The following CACNA1D variants were observed in gnomAD, a reference collection of about 807,000 sequenced individuals.
The protein encoded by CACNA1D is voltage-dependent L-type calcium channel subunit alpha-1D.
In CACNA1D, 55 loss-of-function variants were observed where a neutral mutation model predicts 257.1. The observed-to-expected ratio is 0.21, with a 90% CI of 0.17 to 0.27. CACNA1D has a LOEUF of 0.27. CACNA1D is among the 10% of genes least tolerant of loss of function. The probability of loss-of-function intolerance (pLI) is 1.00; values close to 1 mark genes in which losing one functional copy is unlikely to be tolerated. For synonymous variants in CACNA1D, 980 were observed against 1,014.9 expected, an observed-to-expected ratio of 0.97 and a Z score of 0.65; for missense variants, 1,876 against 2,784.0, an observed-to-expected ratio of 0.67 and a Z score of 7.34.
At chr3:53,775,251 A>G (rs1391236654) in intron 34 of CACNA1D, among the ~76,000 whole-genome samples, 1 of 152,216 alleles carries the variant, frequency 6.6e-6, no homozygotes, top group Non-Finnish European at 1.5e-5. Flanking sequence ...AATTGAACAG[A>G]GACTTAAGTT....
intron 35 of CACNA1D, 117 bp from the exon 36 acceptor site, chr3:53,776,486 C>A: frequency 8.0e-7 from 1 of 1,245,342 alleles, no homozygotes; most frequent in Non-Finnish European, 1.1e-6. Flanking sequence ...GTTTTTACAA[C>A]TTCTCTTGGA....
intron 7 of CACNA1D, among the ~76,000 whole-genome samples, chr3:53,671,202 A>G (rs567408005): frequency 2.6e-5 from 4 of 152,374 alleles, no homozygotes; most frequent in East Asian, 3.9e-4. Flanking sequence ...TACTAGAGCC[A>G]TTCTCTGGAA....
chr3:53,808,507 C>T, intron 45 of CACNA1D, 142 bp from the exon 46 acceptor site: 1 of 953,988 alleles, frequency 1.0e-6, no homozygotes, highest in South Asian at 1.3e-5. Flanking sequence ...TTGGAGACCT[C>T]ACTACCTAAT....
intron 40 of CACNA1D, among the ~76,000 whole-genome samples, chr3:53,788,302 G>T (rs1255949042): frequency 6.6e-6 from 1 of 152,170 alleles, no homozygotes; most frequent in Non-Finnish European, 1.5e-5. Flanking sequence ...GGTGGACCAT[G>T]AATCCGACTG....
At chr3:53,576,897 T>C (rs1428145848) in intron 3 of CACNA1D, among the ~76,000 whole-genome samples, 1 of 152,246 alleles carries the variant, frequency 6.6e-6, no homozygotes. Flanking sequence ...GATTTTTGGC[T>C]CTTTGTAAGG....
intron 7 of CACNA1D, among the ~76,000 whole-genome samples, chr3:53,670,866 T>C (rs1285055597): frequency 6.6e-6 from 1 of 152,174 alleles, no homozygotes; most frequent in Non-Finnish European, 1.5e-5. Context: ...ACAGCTTGCA[T>C]GTTCTGATTT....
chr3:53,648,550 G>T (rs569388044), intron 3 of CACNA1D, among the ~76,000 whole-genome samples: 1 of 152,052 alleles, frequency 6.6e-6, no homozygotes, highest in East Asian at 1.9e-4. Flanking sequence ...GCCACGCCTC[G>T]CATGCCTCCC....
chr3:53,787,933 C>A (rs561613513), intron 40 of CACNA1D, among the ~76,000 whole-genome samples: 12 of 152,114 alleles, frequency 7.9e-5, no homozygotes, highest in Non-Finnish European at 1.6e-4. Context: ...CTATTTACGC[C>A]ACAATTTTAT....
At position 53,770,027 on chromosome 3, in the gene CACNA1D, G is replaced by A; in HGVS notation, c.3915+10G>A. On this transcript the variant is annotated intron_variant, in intron 31 of 47. Transcript: ENST00000350061. The stretch of plus-strand genomic sequence containing the variant: ...AACTGCTACACCTGGGGTAAGATCA[G>A]TGACTAGTCCCCAGGGGCTGGGCCT... 1 of 1,608,844 alleles carries A rather than the reference G, an allele frequency of 6.2e-7. No homozygotes were observed. The highest frequency in any genetic ancestry group is 8.5e-7 in the Non-Finnish European group (1 of 1,175,124).
At chr3:53,544,075 A>T (rs1035675271) in intron 3 of CACNA1D, among the ~76,000 whole-genome samples, 5 of 152,118 alleles carry the variant, frequency 3.3e-5, no homozygotes, top group African/African-American at 4.8e-5. Flanking sequence ...TTCATTAAAG[A>T]CCTTGGGACT....
intron 3 of CACNA1D, among the ~76,000 whole-genome samples, chr3:53,569,347 G>A (rs2092903654): frequency 6.6e-6 from 1 of 152,196 alleles, no homozygotes; most frequent in South Asian, 2.1e-4. Context: ...GCTTACCACT[G>A]CTCACTGGCT....
In CACNA1D at chr3:53,751,921, C is replaced by T; in HGVS notation, c.3675+14C>T. On this transcript the variant is annotated intron_variant, in intron 28 of 47. Transcript: ENST00000350061. This position sits in a 1 kb window ranked among gnomAD's most constrained non-coding sequence, Gnocchi z 4.3. ...TTGGCCATGCAGGTAAAAATGGAGA[C>T]AGCCGTGGGGATCAGGTCCGGGCAT... 3 of 1,613,576 alleles carry T rather than the reference C, an allele frequency of 1.9e-6. No individual in the cohort carries two copies. The highest frequency in any genetic ancestry group is 1.1e-5 in the South Asian group (1 of 91,056).
rs1190739530 is a variant in CACNA1D, at chr3:53,801,205, C to T, written c.5188C>T (p.Pro1730Ser). 4.3e-6 allele frequency: 7 copies of T among 1,614,076 alleles called. No homozygotes were observed. Among genetic ancestry groups the T allele is most frequent in the Non-Finnish European group, 5.9e-6 (7 of 1,179,956 alleles). The change falls in exon 42 of 48, where the codon CCT becomes TCT. Residue 1730 changes from proline (P) to serine (S), a missense_variant. Pro to Ser is a moderately conservative substitution (Grantham distance 74). This residue lies in a region of CACNA1D where 160 missense variants were observed against 236.6 expected (regional missense o/e 0.68). Coordinates refer to ENST00000350061, the MANE Select transcript of CACNA1D (RefSeq NM_001128840.3). ...PASDTEKPLF[P>S]PAGNSVCHNH... The stretch of plus-strand genomic sequence containing the variant: ...AAGTGATACTGAGAAACCGCTGTTT[C>T]CTCCAGCAGGAAATTCGGTGTGTCA...
intron 3 of CACNA1D, among the ~76,000 whole-genome samples, chr3:53,555,789 T>C (rs1031031473): frequency 6.6e-6 from 1 of 152,158 alleles, no homozygotes; most frequent in East Asian, 1.9e-4. Flanking sequence ...AGAAATTCTT[T>C]TTTATTCTTG....
intron 3 of CACNA1D, among the ~76,000 whole-genome samples, chr3:53,571,672 A>G (rs999421657): frequency 3.9e-5 from 6 of 152,174 alleles, no homozygotes; most frequent in Admixed American, 3.9e-4. Flanking sequence ...CTCCATAGGA[A>G]CCAAACCTGC....
intron 3 of CACNA1D, among the ~76,000 whole-genome samples, chr3:53,522,079 T>C (rs2091600393): frequency 6.6e-6 from 1 of 152,082 alleles, no homozygotes; most frequent in Non-Finnish European, 1.5e-5. Context: ...AAAGTTGCAG[T>C]GATTTGTGAT....
chr3:53,702,626 CTT>C lies in CACNA1D; in HGVS notation c.1221-13_1221-12del. 3.7e-6 allele frequency: 6 copies of C among 1,613,088 alleles called. No individual in the cohort carries two copies. The highest frequency in any genetic ancestry group is 5.1e-6 in the Non-Finnish European group (6 of 1,179,948). On this transcript the variant is annotated splice_polypyrimidine_tract_variant and intron_variant, in intron 8 of 47. Transcript: ENST00000350061. ...GGATGTCCTGATATGTGCTTGTCCTCTTTGCCTCCTTCAGAGAATTCTCAAAG... is the reference window on the plus strand; with the variant it reads ...GGATGTCCTGATATGTGCTTGTCCTCTGCCTCCTTCAGAGAATTCTCAAAG...
At chr3:53,581,785 T>C (rs2093137089) in intron 3 of CACNA1D, among the ~76,000 whole-genome samples, 2 of 152,312 alleles carry the variant, frequency 1.3e-5, no homozygotes, top group South Asian at 4.2e-4. Flanking sequence ...GTCTACTCTC[T>C]ACTAATAAGT....
At chr3:53,731,265 G>GCCATATTCTTCACACCA in intron 17 of CACNA1D, 119 bp downstream of exon 17, 1 of 760,366 alleles carries the variant, frequency 1.3e-6, no homozygotes, top group Non-Finnish European at 2.3e-6. Context: ...ATTTTGGTGT[G>GCCATATTCTTCACACCA]AAGAATATGG....
Sources: allele counts gnomAD v4.1 joint callset (sites outside exome capture counted in the v4.1 genomes callset), GRCh38; gene constraint gnomAD v4.1.1; regional missense constraint gnomAD v4.1.1; non-coding constraint Gnocchi (gnomAD v3.1); transcripts MANE v1.5; gene names NCBI Gene and HGNC (gene_info 2026-07-23, HGNC 2026-07-21).